SAFB2: variants seen among roughly 807,000 people sequenced by gnomAD.
The protein encoded by SAFB2 is scaffold attachment factor B2.
A neutral mutation model predicts 100.6 loss-of-function variants in SAFB2; 32 were observed. The ratio of observed to expected loss-of-function variants is 0.32; its 90% confidence interval spans 0.24 to 0.43. The LOEUF is 0.43. SAFB2 is among the 20% of genes least tolerant of loss of function. The pLI, the probability that SAFB2 is intolerant of heterozygous loss-of-function variation, is 1.00. For synonymous variants in SAFB2, 500 were observed against 439.4 expected, an observed-to-expected ratio of 1.14 and a Z score of -1.72; for missense variants, 1,185 against 1,163.4, an observed-to-expected ratio of 1.02 and a Z score of -0.27.
intron 4 of SAFB2, among the ~76,000 whole-genome samples, chr19:5,614,560 T>C (rs1045808639): frequency 6.6e-6 from 1 of 152,224 alleles, no homozygotes; most frequent in Non-Finnish European, 1.5e-5. Flanking sequence ...ATGGTAAATT[T>C]GGAGGCAATG....
intron 11 of SAFB2, 55 bp downstream of exon 11, chr19:5,604,528 C>T: frequency 2.9e-6 from 4 of 1,366,090 alleles, no homozygotes; most frequent in Non-Finnish European, 3.1e-6. Context: ...CCCATGGTGG[C>T]TGCCCGTGCC....
chr19:5,616,694 C>A, intron 2 of SAFB2, among the ~76,000 whole-genome samples: 1 of 133,180 alleles, frequency 7.5e-6, no homozygotes, highest in Non-Finnish European at 1.5e-5. Flanking sequence ...CTGTGTCACC[C>A]AGGCTGGAGT....
chr19:5,593,610 G>C, intron 15 of SAFB2: 1 of 399,988 alleles, frequency 2.5e-6, no homozygotes, highest in Non-Finnish European at 4.4e-6. Flanking sequence ...CGGGTAAGTG[G>C]AGAGGAAAAG....
Position 5,588,190 on chromosome 19 carries a change from T to C in SAFB2, c.2526-210A>G, listed in dbSNP as rs143118907. ...GAAGGTGCTCAACGCCACCCAGAAA[T>C]GCCAATCCGAGCCACACCGAGATGC... On this transcript the variant is annotated intron_variant, in intron 18 of 20. Transcript: ENST00000252542. 8.8e-4 allele frequency among the ~76,000 whole-genome samples: 133 copies of C among 151,404 alleles called. 1 individual carries two copies. The highest frequency in any genetic ancestry group is 6.8e-3 in the Middle Eastern group (2 of 294).
In SAFB2 at chr19:5,621,415, T is replaced by G. The variant is rs1287430063; in HGVS notation, c.187-19A>C. 2 of 1,469,322 alleles carry G rather than the reference T, an allele frequency of 1.4e-6. No individual in the cohort carries two copies. Among genetic ancestry groups the G allele is most frequent in the Non-Finnish European group, 1.9e-6 (2 of 1,048,478 alleles). The allele number at this position is 1,469,322 out of a possible 1,614,324, so 91.0% of individuals were successfully genotyped here. On this transcript the variant is annotated intron_variant, in intron 1 of 20. Coordinates refer to ENST00000252542, the MANE Select transcript of SAFB2 (RefSeq NM_014649.3). ...TAACCGCCTATTAGGGAGAGATGAG[T>G]TTTACAACATCATTAAGAGCTGCAG...
chr19:5,613,576 A>T, intron 4 of SAFB2, 49 bp from the exon 5 acceptor site: 2 of 1,593,434 alleles, frequency 1.3e-6, no homozygotes, highest in Non-Finnish European at 1.7e-6. Flanking sequence ...AGCTATGAAA[A>T]CCAAGGCTGA....
Position 5,604,589 on chromosome 19 carries a change from A to G in SAFB2, c.1553T>C (p.Ile518Thr), listed in dbSNP as rs1300259662. 4 of 1,613,296 alleles carry G rather than the reference A, an allele frequency of 2.5e-6. No homozygotes were observed. The highest frequency in any genetic ancestry group is 1.3e-5 in the African/African-American group (1 of 74,902). Residue 518 changes from isoleucine (I) to threonine (T), a missense_variant, in exon 11 of 21, where the codon ATT becomes ACT. By Grantham distance (89) the Ile-to-Thr change is moderately conservative (BLOSUM62 -1). Transcript: ENST00000252542. Reference sequence around the variant, plus strand: ...GTTTGAAAATTCACTTTACTTTTCAATTTTGATCTCCACAGAATGATGTCT... The same window carrying G: ...GTTTGAAAATTCACTTTACTTTTCAGTTTTGATCTCCACAGAATGATGTCT... ...VDRHHSVEIK[I>T]EKTVIKKEEK... is the part of the protein sequence containing the mutation.
chr19:5,605,391 C>T (rs1347497287), intron 9 of SAFB2, among the ~76,000 whole-genome samples: 1 of 152,168 alleles, frequency 6.6e-6, no homozygotes, highest in Non-Finnish European at 1.5e-5. Context: ...AGGCATGAGA[C>T]ACCGCACCCA....
chr19:5,600,355 A>G, intron 11 of SAFB2, 95 bp from the exon 12 acceptor site: 1 of 1,517,458 alleles, frequency 6.6e-7, no homozygotes, highest in South Asian at 1.3e-5. Flanking sequence ...TCAGACGTCC[A>G]CACAAAACAA....
chr19:5,609,030 C>G (rs573372604), intron 9 of SAFB2, among the ~76,000 whole-genome samples: 1 of 108,842 alleles, frequency 9.2e-6, no homozygotes, highest in Admixed American at 1.4e-4. Context: ...TCAGCCTGGG[C>G]AACAGAGCGA....
At chr19:5,602,916 C>T (rs942229874) in intron 11 of SAFB2, among the ~76,000 whole-genome samples, 3 of 146,364 alleles carry the variant, frequency 2.0e-5, no homozygotes, top group East Asian at 2.0e-4. Flanking sequence ...CCGCCCCCCC[C>T]ACCCCCCTCC....
At chr19:5,590,209 T>G in intron 18 of SAFB2, 69 bp downstream of exon 18, 580 of 1,118,532 alleles carry the variant, frequency 5.2e-4, no homozygotes, top group East Asian at 7.4e-4. Flanking sequence ...GGGACGTGCC[T>G]GGCCAGGCAC....
rs894233750 is a variant in SAFB2 at position 5,604,096 on chromosome 19, C to T, written c.1559+487G>A. On this transcript the variant is annotated intron_variant, in intron 11 of 20. Coordinates refer to ENST00000252542, the MANE Select transcript of SAFB2 (RefSeq NM_014649.3). ...CACTTCTTAAAGACATGGGCTACTTCGTTAAATAGCTTTACACAGAAAGCT... is the reference window on the plus strand; with the variant it reads ...CACTTCTTAAAGACATGGGCTACTTTGTTAAATAGCTTTACACAGAAAGCT... Among the ~76,000 whole-genome samples, 4 of 152,314 alleles carry T rather than the reference C, an allele frequency of 2.6e-5. 1 individual carries two copies. The highest frequency in any genetic ancestry group is 6.8e-3 in the Middle Eastern group (2 of 294).
intron 17 of SAFB2, among the ~76,000 whole-genome samples, chr19:5,591,043 A>T (rs889279882): frequency 6.6e-6 from 1 of 152,042 alleles, no homozygotes; most frequent in South Asian, 2.1e-4. Flanking sequence ...GACTTGAAAC[A>T]TGGGGAAGCC....
chr19:5,595,636 G>A (rs2052520916), intron 13 of SAFB2, 139 bp from the exon 14 acceptor site: 5 of 1,047,910 alleles, frequency 4.8e-6, no homozygotes, highest in African/African-American at 1.6e-5. Context: ...CCAGACCAGA[G>A]GCCCAGGCAT....
intron 11 of SAFB2, among the ~76,000 whole-genome samples, chr19:5,603,965 C>T (rs575230716): frequency 6.6e-6 from 1 of 152,304 alleles, no homozygotes; most frequent in Admixed American, 6.5e-5. Flanking sequence ...GTCTGAGAGG[C>T]TGTACAAGGG....
chr19:5,590,532 G>A (rs1599224654), intron 17 of SAFB2, 124 bp from the exon 18 acceptor site: 2 of 1,128,262 alleles, frequency 1.8e-6, no homozygotes, highest in South Asian at 3.5e-5. Context: ...GAGGACTGAA[G>A]GGTGCAGTCT....
rs917809816 is a variant in SAFB2, at chr19:5,612,295, G to A, written c.634+245C>T. ...ACGGGGGAATTAAATGCCACTCTACGTGGTTAGACATGAAAAGAATCACTA... is the reference window on the plus strand; with the variant it reads ...ACGGGGGAATTAAATGCCACTCTACATGGTTAGACATGAAAAGAATCACTA... On this transcript the variant is annotated intron_variant, in intron 6 of 20. Transcript: ENST00000252542. 18 of 549,122 alleles carry A rather than the reference G, an allele frequency of 3.3e-5. No individual in the cohort carries two copies. The Admixed American group carries it at 4.2e-4, about 13-fold the overall frequency. 34.0% of individuals were successfully genotyped at this position (549,122 alleles called of 1,614,324 possible). A position where few individuals can be genotyped will look rare whatever the true frequency, so the allele number is the denominator to read the frequency against.
At position 5,587,422 on chromosome 19, in the gene SAFB2, T is replaced by G; in HGVS notation, c.2706-23A>C. ...CGCCTAGGAACAAAGTCAGACAATT[T>G]TTTTCCCCTTGAAGTGCTCAGCGTT... On this transcript the variant is annotated intron_variant, in intron 20 of 20. Transcript: ENST00000252542. This position sits in a 1 kb window ranked among gnomAD's most constrained non-coding sequence, Gnocchi z 4.9. The G allele has an allele frequency of 6.3e-7, 1 of 1,595,916 alleles. No homozygotes were observed. The highest frequency in any genetic ancestry group is 8.5e-7 in the Non-Finnish European group (1 of 1,170,752).
Sources: allele counts gnomAD v4.1 joint callset (sites outside exome capture counted in the v4.1 genomes callset), GRCh38; gene constraint gnomAD v4.1.1; non-coding constraint Gnocchi (gnomAD v3.1); transcripts MANE v1.5; gene names NCBI Gene and HGNC (gene_info 2026-07-23, HGNC 2026-07-21).